The following GPC6 variants were observed in gnomAD, a reference collection of about 807,000 sequenced individuals.
GPC6 encodes glypican-6.
In GPC6, 14 loss-of-function variants were observed where a neutral mutation model predicts 55.2. That is an observed-to-expected ratio of 0.25 (90% CI 0.17 to 0.40). GPC6 has a LOEUF of 0.40. Ranked by LOEUF, GPC6 falls within the 10% of genes least tolerant of loss-of-function variation. The pLI is 1.00. For synonymous variants in GPC6, 278 were observed against 259.6 expected (o/e 1.07, Z -0.68); for missense variants, 641 against 708.5 (o/e 0.90, Z 1.08).
At chr13:93,347,701 G>C (rs144280893) in intron 1 of GPC6, among the ~76,000 whole-genome samples, 5 of 152,236 alleles carry the variant, frequency 3.3e-5, no homozygotes, top group African/African-American at 9.6e-5. Flanking sequence ...CAGCCTGCAA[G>C]CTTTGATCTT....
intron 4 of GPC6, among the ~76,000 whole-genome samples, chr13:94,073,116 C>A (rs1001261414): frequency 6.6e-6 from 1 of 152,112 alleles, no homozygotes; most frequent in Non-Finnish European, 1.5e-5. Context: ...TCCAGACAGC[C>A]CTCTCCCTCC....
At chr13:93,351,748 A>T (rs1372876390) in intron 1 of GPC6, among the ~76,000 whole-genome samples, 1 of 151,980 alleles carries the variant, frequency 6.6e-6, no homozygotes, top group Non-Finnish European at 1.5e-5. Context: ...TTAAAAATTA[A>T]AAATATAAAC....
At chr13:93,911,234 T>C (rs572528263) in intron 3 of GPC6, among the ~76,000 whole-genome samples, 1 of 152,308 alleles carries the variant, frequency 6.6e-6, no homozygotes, top group Admixed American at 6.5e-5. Flanking sequence ...CTAGAGAATC[T>C]ATTTGTCAAC....
At chr13:93,824,587 A>G (rs539033185) in intron 2 of GPC6, among the ~76,000 whole-genome samples, 1 of 152,158 alleles carries the variant, frequency 6.6e-6, no homozygotes, top group East Asian at 1.9e-4. Flanking sequence ...TTGATAGCCA[A>G]CTTTTTTTTT....
chr13:93,943,279 C>T (rs1878825291), intron 3 of GPC6, among the ~76,000 whole-genome samples: 4 of 151,962 alleles, frequency 2.6e-5, no homozygotes, highest in African/African-American at 9.7e-5. Context: ...GGAGTAGGGT[C>T]TAAAGTAAGT....
chr13:94,214,889 C>T (rs571284435), intron 4 of GPC6, among the ~76,000 whole-genome samples: 111 of 152,142 alleles, frequency 7.3e-4, no homozygotes, highest in Non-Finnish European at 1.4e-3. Flanking sequence ...CTGTTTTCAG[C>T]ACTTGGGCTA....
chr13:93,428,217 A>G (rs1877222481), intron 1 of GPC6, among the ~76,000 whole-genome samples: 1 of 152,190 alleles, frequency 6.6e-6, no homozygotes, highest in Non-Finnish European at 1.5e-5. Flanking sequence ...CTGAGGATTT[A>G]TGTATAATAT....
At chr13:93,706,161 A>G (rs1221711333) in intron 2 of GPC6, among the ~76,000 whole-genome samples, 1 of 151,876 alleles carries the variant, frequency 6.6e-6, no homozygotes, top group African/African-American at 2.4e-5. Flanking sequence ...AAAAATTAAA[A>G]TTGGAAATTG....
intron 3 of GPC6, among the ~76,000 whole-genome samples, chr13:94,013,218 GTA>G (rs10644543): frequency 0.32 from 48,166 of 150,254 alleles, 7,750 homozygotes; most frequent in East Asian, 0.39. Flanking sequence ...ATGTGTGTAT[GTA>G]TATATATATA....
chr13:93,469,041 G>C (rs1010976637), intron 1 of GPC6, among the ~76,000 whole-genome samples: 8 of 152,038 alleles, frequency 5.3e-5, no homozygotes, highest in Admixed American at 2.0e-4. Context: ...TCATTCCTAA[G>C]GGCATCTGAG....
intron 2 of GPC6, among the ~76,000 whole-genome samples, chr13:93,783,200 T>G (rs569591077): frequency 1.3e-5 from 2 of 152,346 alleles, no homozygotes; most frequent in African/African-American, 4.8e-5. Context: ...CACACATTTT[T>G]ATTTTTATCC....
intron 1 of GPC6, among the ~76,000 whole-genome samples, chr13:93,515,649 A>AT (rs893564285): frequency 6.6e-6 from 1 of 152,184 alleles, no homozygotes; most frequent in Non-Finnish European, 1.5e-5. Context: ...ACCCAGTAAA[A>AT]TTCCAAAGGC....
chr13:93,481,020 G>A (rs561802918), intron 1 of GPC6, among the ~76,000 whole-genome samples: 1 of 152,274 alleles, frequency 6.6e-6, no homozygotes, highest in East Asian at 1.9e-4. Flanking sequence ...CATCCAGATT[G>A]TTTCCTGAAG....
intron 2 of GPC6, among the ~76,000 whole-genome samples, chr13:93,609,530 G>A (rs568125466): frequency 1.3e-5 from 2 of 152,196 alleles, no homozygotes; most frequent in South Asian, 4.1e-4. Context: ...GAGCCACCGC[G>A]CCCAGCTGCT....
At chr13:93,893,708 A>AAAT (rs1875825595) in intron 3 of GPC6, among the ~76,000 whole-genome samples, 1 of 152,160 alleles carries the variant, frequency 6.6e-6, no homozygotes, top group African/African-American at 2.4e-5. Flanking sequence ...TTCAACACAA[A>AAAT]AATCAGAAGA....
chr13:93,559,329 G>A (rs896056526), intron 2 of GPC6, among the ~76,000 whole-genome samples: 5 of 152,106 alleles, frequency 3.3e-5, no homozygotes, highest in African/African-American at 9.7e-5. Flanking sequence ...CTTGTAAAAT[G>A]TTATATTTCT....
At chr13:94,382,140 G>T (rs1399566317) in intron 6 of GPC6, among the ~76,000 whole-genome samples, 3 of 152,242 alleles carry the variant, frequency 2.0e-5, no homozygotes, top group Admixed American at 1.3e-4. Context: ...GTGATGCTTC[G>T]TAAGTTTTTA....
chr13:94,270,995 T>A (rs924794673), intron 4 of GPC6, among the ~76,000 whole-genome samples: 18 of 117,666 alleles, frequency 1.5e-4, no homozygotes, highest in African/African-American at 5.4e-4. Flanking sequence ...TTTTTTTTTT[T>A]TTTTTTTTTT....
At chr13:94,039,358 T>A (rs548424582) in intron 4 of GPC6, among the ~76,000 whole-genome samples, 1 of 151,830 alleles carries the variant, frequency 6.6e-6, no homozygotes, top group East Asian at 1.9e-4. Context: ...TAAGACTAGA[T>A]AGGTCATCTA....
Sources: allele counts gnomAD v4.1 joint callset (sites outside exome capture counted in the v4.1 genomes callset), GRCh38; gene constraint gnomAD v4.1.1; transcripts MANE v1.5; gene names NCBI Gene and HGNC (gene_info 2026-07-23, HGNC 2026-07-21).